The following BCL7C variants were observed in gnomAD, a reference collection of about 807,000 sequenced individuals.
BCL7C encodes BAF chromatin remodeling complex subunit BCL7C.
Under a neutral mutation model 26.2 loss-of-function variants are expected in BCL7C, and 8 were observed. The ratio of observed to expected loss-of-function variants is 0.30; its 90% CI spans 0.18 to 0.55. The LOEUF (loss-of-function observed/expected upper bound fraction) is 0.55. BCL7C is among the 20% of genes least tolerant of loss of function. BCL7C has a pLI of 0.93. For synonymous variants in BCL7C, 90 were observed against 116.5 expected, an observed-to-expected ratio of 0.77 and a Z score of 1.47; for missense variants, 262 against 298.5, an observed-to-expected ratio of 0.88 and a Z score of 0.90.
Position 30,861,361 on chromosome 16 carries a change from A to G in BCL7C, c.529-26213T>C, listed in dbSNP as rs545862649. Reference sequence around the variant, plus strand: ...ACCCCAGCCATATCTCCAGCACACAAGAACTTCCAAACGCCTGAACTGCTG... The same window carrying G: ...ACCCCAGCCATATCTCCAGCACACAGGAACTTCCAAACGCCTGAACTGCTG... On this transcript the variant is annotated intron_variant, in intron 5 of 5. Transcript: ENST00000380317. Among the ~76,000 whole-genome samples the G allele has an allele frequency of 1.2e-3, 176 of 152,304 alleles. 1 individual carries two copies. The highest frequency in any genetic ancestry group is 3.9e-3 in the African/African-American group (162 of 41,558).
chr16:30,834,899 G>A lies in BCL7C; in HGVS notation c.*49C>T. On this transcript the variant is annotated 3_prime_UTR_variant, in exon 6 of 6. Transcript: ENST00000380317. This position sits in a 1 kb window ranked among gnomAD's most constrained non-coding sequence, Gnocchi z 4.3. Reference sequence around the variant, plus strand: ...GGGCACAGGTAGTGGCTGGATCTTGGGGCAGCCAAGGGAGGCTTTAGGGGT... The same window carrying A: ...GGGCACAGGTAGTGGCTGGATCTTGAGGCAGCCAAGGGAGGCTTTAGGGGT... 1 of 1,444,416 alleles carries A rather than the reference G, an allele frequency of 6.9e-7. No individual in the cohort carries two copies. Among genetic ancestry groups the A allele is most frequent in the Non-Finnish European group, 9.2e-7 (1 of 1,089,178 alleles). 89.5% of individuals were successfully genotyped at this position (1,444,416 alleles called of 1,614,324 possible).
Position 30,892,850 on chromosome 16 carries a change from C to T in BCL7C, c.270G>A (p.Leu90=), listed in dbSNP as rs1361338734. The T allele has an allele frequency of 2.5e-6, 4 of 1,613,400 alleles. No homozygotes were observed. The highest frequency in any genetic ancestry group is 3.4e-6 in the Non-Finnish European group (4 of 1,179,978). Residue 90 remains leucine (L), a synonymous_variant, in exon 3 of 6, where the codon CTG becomes CTA. Coordinates refer to ENST00000215115, the MANE Select transcript of BCL7C (RefSeq NM_004765.4). ...AGGATCCCTACCTACCATTAAGATC[C>T]AGCAGGATGAGAGGGCCACCCCCTC... The part of the protein sequence containing the change: ...SPRGGGPLIL[L]DLNDENSNQS...
downstream of BCL7C, among the ~76,000 whole-genome samples, chr16:30,883,716 C>T (rs186003901): frequency 9.3e-3 from 1,366 of 147,478 alleles, 21 homozygotes; most frequent in African/African-American, 0.03. Flanking sequence ...AGGGTTTCAC[C>T]GTGTTAGCCA....
At position 30,873,954 on chromosome 16, in the gene BCL7C, T is replaced by TACACACACACACACACACACAC. The variant is rs145435913; in HGVS notation, c.528+14905_528+14906insGTGTGTGTGTGTGTGTGTGTGT. 7.6e-3 allele frequency among the ~76,000 whole-genome samples: 1,052 copies of TACACACACACACACACACACAC among 137,738 alleles called. 15 individuals carry two copies. The highest frequency in any genetic ancestry group is 0.014 in the African/African-American group (489 of 35,522). 90.4% of individuals were successfully genotyped at this position (137,738 alleles called of 152,430 possible). On this transcript the variant is annotated intron_variant, in intron 5 of 5. Coordinates refer to the BCL7C transcript ENST00000380317. ...ATACATATATATATAGATATATGTA[T>TACACACACACACACACACACAC]ACACACACACACACACACACAGAGG...
At position 30,892,806 on chromosome 16, in the gene BCL7C, C is replaced by T. The variant is rs1219011559; in HGVS notation, c.280+34G>A. 8 of 1,613,774 alleles carry T rather than the reference C, an allele frequency of 5.0e-6. No individual in the cohort carries two copies. The Middle Eastern group carries it at 8.2e-4, about 166-fold the overall frequency. ...GATCCCTAGTACACTCCTTCAGTCC[C>T]CACAGCCCCCCGCGTTTCAGGATCC... is the stretch of plus-strand genomic sequence containing the variant. On this transcript the variant is annotated intron_variant, in intron 3 of 5. Coordinates refer to ENST00000215115, the MANE Select transcript of BCL7C (RefSeq NM_004765.4).
intron 5 of BCL7C, among the ~76,000 whole-genome samples, chr16:30,840,139 C>T (rs1428167192): frequency 6.6e-6 from 1 of 151,618 alleles, no homozygotes; most frequent in Non-Finnish European, 1.5e-5. Flanking sequence ...CTGTTTCTTC[C>T]TCTGTTTTTC....
At chr16:30,890,057 C>G (rs2055202132) in intron 4 of BCL7C, among the ~76,000 whole-genome samples, 1 of 151,764 alleles carries the variant, frequency 6.6e-6, no homozygotes, top group Non-Finnish European at 1.5e-5. Flanking sequence ...GGACAGGGAG[C>G]CTAGGAGGAA....
In BCL7C at chr16:30,872,998, C is replaced by G. The variant is rs1387413525; in HGVS notation, c.528+15862G>C. On this transcript the variant is annotated intron_variant, in intron 5 of 5. Transcript: ENST00000380317. ...TTCATTCACATCCCATCTTCCCAAC[C>G]TCTGACAAATTTGTGGACCACCTCT... is the stretch of plus-strand genomic sequence containing the variant. 2.0e-5 allele frequency among the ~76,000 whole-genome samples: 3 copies of G among 152,188 alleles called. No homozygotes were observed. The East Asian group carries it at 5.8e-4, about 29-fold the overall frequency.
intron 5 of BCL7C, among the ~76,000 whole-genome samples, chr16:30,838,209 G>A (rs1014670566): frequency 5.9e-5 from 9 of 152,202 alleles, no homozygotes; most frequent in Non-Finnish European, 1.2e-4. Flanking sequence ...GTGACCTTGG[G>A]TAAATAATAT....
At chr16:30,842,499 A>G (rs1163413023) in intron 5 of BCL7C, among the ~76,000 whole-genome samples, 1 of 152,226 alleles carries the variant, frequency 6.6e-6, no homozygotes, top group Non-Finnish European at 1.5e-5. Flanking sequence ...ATAATTAAAG[A>G]AAAGTTACAG....
rs1427518448 is a variant in BCL7C at position 30,893,270 on chromosome 16, A to G, written c.113T>C (p.Val38Ala). ...GAAGATACGAAGGGAAGTGTCGCCC[A>G]CAGTCACCCATCGCTTCTCCCTGTG... ...VRRWEKRWVT[V>A]GDTSLRIFKW... The change falls in exon 2 of 6, where the codon GTG becomes GCG. Residue 38 changes from valine to alanine, a missense_variant. Transcript: ENST00000215115. The surrounding 1 kb of genome is among the most constrained non-coding windows in gnomAD (Gnocchi z 5.2). 1 of 1,613,658 alleles carries G rather than the reference A, an allele frequency of 6.2e-7. No individual in the cohort carries two copies. The highest frequency in any genetic ancestry group is 1.7e-5 in the Admixed American group (1 of 59,982).
At chr16:30,882,737 G>A (rs1163614110) in intron 5 of BCL7C, among the ~76,000 whole-genome samples, 1 of 152,220 alleles carries the variant, frequency 6.6e-6, no homozygotes, top group East Asian at 1.9e-4. Flanking sequence ...GTTTCTGAAA[G>A]ATTGCCCAGC....
chr16:30,846,607 G>C (rs2054637651), intron 5 of BCL7C, among the ~76,000 whole-genome samples: 1 of 152,138 alleles, frequency 6.6e-6, no homozygotes, highest in Non-Finnish European at 1.5e-5. Context: ...ATTGTCTTTA[G>C]CTCTCATTAA....
At chr16:30,859,374 T>G (rs2054750638) in intron 5 of BCL7C, among the ~76,000 whole-genome samples, 1 of 152,150 alleles carries the variant, frequency 6.6e-6, no homozygotes, top group Admixed American at 6.6e-5. Flanking sequence ...TCCCAGCACT[T>G]TGGGATGCTG....
intron 5 of BCL7C, among the ~76,000 whole-genome samples, chr16:30,870,642 C>T (rs1156398941): frequency 6.6e-6 from 1 of 152,074 alleles, no homozygotes. Context: ...GCCTGAGTGA[C>T]AGAGCAAGAT....
At chr16:30,856,598 G>GTC (rs2054724511) in intron 5 of BCL7C, among the ~76,000 whole-genome samples, 1 of 152,202 alleles carries the variant, frequency 6.6e-6, no homozygotes, top group African/African-American at 2.4e-5. Context: ...AGCCACTGAA[G>GTC]TCTGCTCTGT....
intron 5 of BCL7C, among the ~76,000 whole-genome samples, chr16:30,845,512 A>G (rs1366526142): frequency 6.6e-6 from 1 of 152,174 alleles, no homozygotes; most frequent in Non-Finnish European, 1.5e-5. Flanking sequence ...GCTTGGTGGA[A>G]TAGCAGCTTC....
intron 5 of BCL7C, among the ~76,000 whole-genome samples, chr16:30,838,159 A>G (rs190225271): frequency 6.6e-6 from 1 of 152,318 alleles, no homozygotes; most frequent in African/African-American, 2.4e-5. Flanking sequence ...TTTGAAATGG[A>G]TGACAGAGGT....
At chr16:30,852,489 CTTT>C (rs1286491720) in intron 5 of BCL7C, among the ~76,000 whole-genome samples, 1 of 136,894 alleles carries the variant, frequency 7.3e-6, no homozygotes, top group Admixed American at 7.4e-5. Context: ...AACTTTATAA[CTTT>C]TTTTTTTTTT....
Sources: gnomAD v4.1 joint callset for allele counts (sites outside exome capture counted in the v4.1 genomes callset) on GRCh38, gnomAD v4.1.1 for gene constraint, Gnocchi (gnomAD v3.1) non-coding constraint, MANE v1.5 for transcripts, NCBI Gene and HGNC (gene_info 2026-07-23, HGNC 2026-07-21) for gene names.